Variants in SLC44A1 observed in about 807,000 individuals in gnomAD.
SLC44A1 encodes choline transporter-like protein 1.
Under a neutral mutation model 79.3 loss-of-function variants are expected in SLC44A1, and 26 were observed. The ratio of observed to expected loss-of-function variants is 0.33; its 90% CI spans 0.24 to 0.46. SLC44A1 has a LOEUF of 0.46. Among genes scored for constraint, SLC44A1 ranks in the 20% least tolerant of loss-of-function variants. The pLI is 1.00. For synonymous variants in SLC44A1, 263 were observed against 286.2 expected (o/e 0.92, Z 0.82); for missense variants, 688 against 798.1 (o/e 0.86, Z 1.66).
intron 9 of SLC44A1, among the ~76,000 whole-genome samples, chr9:105,363,668 T>C (rs2131415070): frequency 6.6e-6 from 1 of 152,100 alleles, no homozygotes; most frequent in East Asian, 1.9e-4. Context: ...TTTCTCCATG[T>C]TGCCCAGGCT....
chr9:105,301,183 A>G (rs543957860), intron 2 of SLC44A1, among the ~76,000 whole-genome samples: 5 of 152,284 alleles, frequency 3.3e-5, no homozygotes, highest in East Asian at 3.9e-4. Context: ...AACATGTACC[A>G]TGCCACCCGA....
intron 3 of SLC44A1, among the ~76,000 whole-genome samples, chr9:105,318,904 G>C (rs986170701): frequency 8.5e-5 from 13 of 152,240 alleles, no homozygotes; most frequent in African/African-American, 3.1e-4. Context: ...CCATGTCTAA[G>C]TTAAACAGCT....
intron 13 of SLC44A1, among the ~76,000 whole-genome samples, chr9:105,377,499 C>G (rs1215447721): frequency 6.6e-6 from 1 of 151,644 alleles, no homozygotes; most frequent in Non-Finnish European, 1.5e-5. Flanking sequence ...GCCTATAATC[C>G]CAGCACTTTG....
chr9:105,309,924 A>G, intron 3 of SLC44A1, 58 bp downstream of exon 3: 1 of 1,540,714 alleles, frequency 6.5e-7, no homozygotes, highest in Non-Finnish European at 8.9e-7. Flanking sequence ...CACAGAGAAA[A>G]TCCTGCTGTT....
At chr9:105,276,564 C>CTGTGTGTGTGTGTGTGTG (rs1564409372) in intron 1 of SLC44A1, among the ~76,000 whole-genome samples, 1 of 63,896 alleles carries the variant, frequency 1.6e-5, no homozygotes, top group East Asian at 5.4e-4. Flanking sequence ...GGATGGGGAG[C>CTGTGTGTGTGTGTGTGTG]CGTGTGTGTG....
At chr9:105,256,062 G>A (rs1268109263) in intron 1 of SLC44A1, among the ~76,000 whole-genome samples, 2 of 152,144 alleles carry the variant, frequency 1.3e-5, no homozygotes, top group Non-Finnish European at 2.9e-5. Context: ...CACCCTGGCT[G>A]GAGTGCAGTA....
At chr9:105,305,275 CT>C (rs952568249) in intron 2 of SLC44A1, among the ~76,000 whole-genome samples, 1 of 151,020 alleles carries the variant, frequency 6.6e-6, no homozygotes. Flanking sequence ...TGGCCTCATT[CT>C]TTTTTTTTCC....
intron 15 of SLC44A1, chr9:105,438,137 T>C (rs1380697372): frequency 7.9e-6 from 5 of 632,442 alleles, no homozygotes; most frequent in African/African-American, 5.5e-5. Flanking sequence ...AATCTGTGTG[T>C]GTGTGTGTGT....
intron 15 of SLC44A1, among the ~76,000 whole-genome samples, chr9:105,424,557 C>T (rs1296631706): frequency 6.6e-6 from 1 of 152,196 alleles, no homozygotes; most frequent in African/African-American, 2.4e-5. Flanking sequence ...AACTAACTTT[C>T]TCAGTCCCAT....
chr9:105,407,229 T>C (rs557034961), intron 15 of SLC44A1, among the ~76,000 whole-genome samples: 1 of 152,290 alleles, frequency 6.6e-6, no homozygotes, highest in East Asian at 1.9e-4. Flanking sequence ...AAATATTGTC[T>C]TATAAGGTCT....
At chr9:105,273,445 G>A (rs913578239) in intron 1 of SLC44A1, among the ~76,000 whole-genome samples, 1 of 152,132 alleles carries the variant, frequency 6.6e-6, no homozygotes, top group Non-Finnish European at 1.5e-5. Flanking sequence ...GATTACATTT[G>A]GCTTTTATTA....
chr9:105,325,050 T>C (rs1426843191), intron 3 of SLC44A1, among the ~76,000 whole-genome samples: 2 of 152,196 alleles, frequency 1.3e-5, no homozygotes, highest in East Asian at 3.8e-4. Flanking sequence ...GACTTGTACA[T>C]GAACATTCAT....
In SLC44A1 at chr9:105,361,188, C is replaced by T. The variant is rs770914015; in HGVS notation, c.761-3C>T. On this transcript the variant is annotated splice_region_variant and splice_polypyrimidine_tract_variant and intron_variant, in intron 7 of 15. Coordinates refer to ENST00000374720, the MANE Select transcript of SLC44A1 (RefSeq NM_080546.5). ...CATTAACAGTTGGGTCTTTTGTCTC[C>T]AGGAGGCACAGGTGTACTATGGTGG... 1 of 1,613,838 alleles carries T rather than the reference C, an allele frequency of 6.2e-7. No homozygotes were observed. Among genetic ancestry groups the T allele is most frequent in the African/African-American group, 1.3e-5 (1 of 75,024 alleles).
chr9:105,400,050 C>T (rs1313158247), downstream of SLC44A1, among the ~76,000 whole-genome samples: 1 of 151,888 alleles, frequency 6.6e-6, no homozygotes, highest in Non-Finnish European at 1.5e-5. Context: ...ACAGAATTAT[C>T]CGGGCACGGT....
intron 1 of SLC44A1, among the ~76,000 whole-genome samples, chr9:105,267,366 A>G (rs1333691808): frequency 6.6e-6 from 1 of 152,166 alleles, no homozygotes; most frequent in African/African-American, 2.4e-5. Flanking sequence ...TGGATACAGT[A>G]TGGGCTCTTT....
chr9:105,309,457 CTATTAT>C (rs914160694), intron 2 of SLC44A1, among the ~76,000 whole-genome samples: 1 of 152,094 alleles, frequency 6.6e-6, no homozygotes, highest in Non-Finnish European at 1.5e-5. Context: ...GCTATTATTA[CTATTAT>C]TATTATTATA....
At chr9:105,298,797 A>G (rs1428280319) in intron 1 of SLC44A1, among the ~76,000 whole-genome samples, 1 of 152,174 alleles carries the variant, frequency 6.6e-6, no homozygotes, top group Non-Finnish European at 1.5e-5. Context: ...GTATTCATTT[A>G]TTTATTCATT....
At chr9:105,401,891 C>T (rs1014606985), downstream of SLC44A1, among the ~76,000 whole-genome samples, 1 of 152,054 alleles carries the variant, frequency 6.6e-6, no homozygotes, top group African/African-American at 2.4e-5. Flanking sequence ...ACGCAGAGAG[C>T]AGTGATAGTA....
intron 15 of SLC44A1, among the ~76,000 whole-genome samples, chr9:105,388,771 A>T (rs1403010912): frequency 6.6e-6 from 1 of 152,230 alleles, no homozygotes; most frequent in East Asian, 1.9e-4. Flanking sequence ...AAGAACTTAA[A>T]GAGAAAAGGG....
Sources: allele counts gnomAD v4.1 joint callset (sites outside exome capture counted in the v4.1 genomes callset), GRCh38; gene constraint gnomAD v4.1.1; transcripts MANE v1.5; gene names NCBI Gene and HGNC (gene_info 2026-07-23, HGNC 2026-07-21).